BCL2L13: variants seen among roughly 807,000 people sequenced by gnomAD.
The protein encoded by BCL2L13 is bcl-2-like protein 13.
A neutral mutation model predicts 25.8 loss-of-function variants in BCL2L13; 13 were observed. The observed-to-expected ratio is 0.50, with a 90% CI of 0.33 to 0.80. BCL2L13 has a LOEUF of 0.80. Among genes scored for constraint, BCL2L13 ranks in the 30% least tolerant of loss-of-function variants. The pLI, the probability that BCL2L13 is intolerant of heterozygous loss-of-function variation, is 0.02. For synonymous variants in BCL2L13, 244 were observed against 230.3 expected (o/e 1.06, Z -0.54); for missense variants, 504 against 574.9 (o/e 0.88, Z 1.26).
intron 6 of BCL2L13, among the ~76,000 whole-genome samples, chr22:17,713,943 C>T (rs898645769): frequency 2.6e-5 from 4 of 151,504 alleles, no homozygotes; most frequent in African/African-American, 7.3e-5. Context: ...GAGTTCGAGA[C>T]CAGCCTGGCC....
At chr22:17,715,250 T>G (rs1262469362) in intron 6 of BCL2L13, among the ~76,000 whole-genome samples, 6 of 135,642 alleles carry the variant, frequency 4.4e-5, no homozygotes, top group Non-Finnish European at 7.7e-5. Context: ...GGTGCAGACT[T>G]GGCTCACTAC....
chr22:17,695,070 A>G (rs1178239959), intron 4 of BCL2L13, among the ~76,000 whole-genome samples: 1 of 152,214 alleles, frequency 6.6e-6, no homozygotes, highest in Non-Finnish European at 1.5e-5. Context: ...CTTGGAACTT[A>G]TGGTTCCAGG....
chr22:17,720,444 C>T (rs956315906), intron 6 of BCL2L13, among the ~76,000 whole-genome samples: 1 of 152,158 alleles, frequency 6.6e-6, no homozygotes, highest in Non-Finnish European at 1.5e-5. Context: ...ACAACCTCCA[C>T]CTCCCAGGTT....
intron 6 of BCL2L13, among the ~76,000 whole-genome samples, chr22:17,708,208 T>G (rs962968692): frequency 5.3e-5 from 8 of 152,128 alleles, no homozygotes; most frequent in African/African-American, 1.7e-4. Context: ...GTGTGTTTGC[T>G]TGAAAAAAAA....
chr22:17,677,381 G>T (rs1458044019), intron 2 of BCL2L13, among the ~76,000 whole-genome samples: 1 of 152,116 alleles, frequency 6.6e-6, no homozygotes, highest in East Asian at 1.9e-4. Flanking sequence ...GACCTTAATA[G>T]AATTAATTAA....
At position 17,683,311 on chromosome 22, in the gene BCL2L13, A is replaced by C. The variant is rs568678964; in HGVS notation, c.219A>C (p.Glu73Asp). 6.5e-6 allele frequency: 10 copies of C among 1,539,674 alleles called. No homozygotes were observed. The highest frequency in any genetic ancestry group is 1.8e-4 in the Middle Eastern group (1 of 5,556). Residue 73 changes from glutamate (E) to aspartate (D), a missense_variant, in exon 3 of 7, where the codon GAA becomes GAC. Physicochemically the swap from Glu to Asp is conservative, Grantham distance 45 (BLOSUM62 2). Transcript: ENST00000317582. ...AAGAGCTAAAATCTCTGGACAAAGA[A>C]ATTTCTGAAGGTCTGTTTATTCTTA... is the stretch of plus-strand genomic sequence containing the variant. ...IEEELKSLDKEISEAFTSTGF... is the reference protein window; with the variant it reads ...IEEELKSLDKDISEAFTSTGF...
chr22:17,705,788 G>A (rs1166537167), intron 6 of BCL2L13, among the ~76,000 whole-genome samples: 2 of 152,078 alleles, frequency 1.3e-5, no homozygotes, highest in African/African-American at 4.8e-5. Context: ...TTTCCACGGG[G>A]AATGTATTTG....
At chr22:17,721,421 A>C (rs1244869844) in intron 6 of BCL2L13, among the ~76,000 whole-genome samples, 1 of 151,200 alleles carries the variant, frequency 6.6e-6, no homozygotes, top group Non-Finnish European at 1.5e-5. Context: ...GCTTTATTCC[A>C]TTTAGTCCAG....
At chr22:17,687,526 C>CT (rs1010648434) in intron 3 of BCL2L13, among the ~76,000 whole-genome samples, 113 of 150,810 alleles carry the variant, frequency 7.5e-4, no homozygotes, top group Middle Eastern at 3.4e-3. Context: ...TTATTATTTT[C>CT]TTTTTTTTGA....
intron 4 of BCL2L13, among the ~76,000 whole-genome samples, chr22:17,693,176 G>A (rs549562258): frequency 6.6e-6 from 1 of 151,472 alleles, no homozygotes; most frequent in African/African-American, 2.4e-5. Context: ...CCAAATATGT[G>A]ATATAATAAT....
intron 1 of BCL2L13, among the ~76,000 whole-genome samples, chr22:17,649,625 C>T (rs368711707): frequency 2.0e-5 from 3 of 151,894 alleles, no homozygotes; most frequent in Non-Finnish European, 4.4e-5. Flanking sequence ...GCCTCAGCCT[C>T]CTGAGTAGCT....
intron 6 of BCL2L13, among the ~76,000 whole-genome samples, chr22:17,707,672 G>A (rs1156614787): frequency 6.6e-6 from 1 of 152,174 alleles, no homozygotes; most frequent in African/African-American, 2.4e-5. Flanking sequence ...TATAAAGTCT[G>A]AGAAGTAATG....
chr22:17,703,326 T>A (rs1251029264), intron 6 of BCL2L13: 1 of 152,228 alleles, frequency 6.6e-6, no homozygotes, highest in Non-Finnish European at 1.5e-5. Flanking sequence ...AATCTTTCAG[T>A]CATTTCCAAT....
chr22:17,710,915 T>C (rs991024381), intron 6 of BCL2L13, among the ~76,000 whole-genome samples: 5 of 152,096 alleles, frequency 3.3e-5, no homozygotes, highest in Admixed American at 3.3e-4. Context: ...TAAATAAATC[T>C]GAATTGGCTT....
intron 1 of BCL2L13, among the ~76,000 whole-genome samples, chr22:17,629,454 A>G (rs906230566): frequency 6.6e-6 from 1 of 152,034 alleles, no homozygotes; most frequent in Non-Finnish European, 1.5e-5. Context: ...TAGCCTATAT[A>G]TTTTTCAAAA....
Position 17,727,655 on chromosome 22 carries a change from C to T in BCL2L13, c.*121C>T. 1.5e-6 allele frequency: 2 copies of T among 1,365,098 alleles called. No homozygotes were observed. The highest frequency in any genetic ancestry group is 2.0e-6 in the Non-Finnish European group (2 of 1,005,360). 84.6% of individuals were successfully genotyped at this position (1,365,098 alleles called of 1,614,324 possible). On this transcript the variant is annotated 3_prime_UTR_variant, in exon 7 of 7. Coordinates refer to ENST00000317582, the MANE Select transcript of BCL2L13 (RefSeq NM_015367.4). Reference sequence around the variant, plus strand: ...ACTCTGGGATAATTGGGGACTTCTGCTCAACATGGCAGTGGCATGTTAGGC... The same window carrying T: ...ACTCTGGGATAATTGGGGACTTCTGTTCAACATGGCAGTGGCATGTTAGGC...
intron 3 of BCL2L13, among the ~76,000 whole-genome samples, chr22:17,686,073 GC>G (rs888953790): frequency 4.0e-5 from 6 of 151,856 alleles, no homozygotes; most frequent in African/African-American, 1.4e-4. Flanking sequence ...TACCCAGCCT[GC>G]CCAATAATTT....
chr22:17,638,985 C>G (rs756527652), intron 1 of BCL2L13, 99 bp downstream of exon 1: 568 of 990,432 alleles, frequency 5.7e-4, no homozygotes, highest in Non-Finnish European at 6.8e-4. Context: ...CACCGACTCC[C>G]CAGTGGTTCC....
chr22:17,702,404 T>G lies in BCL2L13; in HGVS notation c.600+18T>G, dbSNP rs762285381. ...GTGGCTGGGTATGAGCTGTTATATA[T>G]TAAAAATATTTTCTTGAAAAAAAAT... is the stretch of plus-strand genomic sequence containing the variant. On this transcript the variant is annotated intron_variant, in intron 6 of 6. Transcript: ENST00000317582. 73 of 1,516,646 alleles carry G rather than the reference T, an allele frequency of 4.8e-5. No homozygotes were observed. Among genetic ancestry groups the G allele is most frequent in the Non-Finnish European group, 8.8e-6 (10 of 1,136,688 alleles). 93.9% of individuals were successfully genotyped at this position (1,516,646 alleles called of 1,614,324 possible). A position where few individuals can be genotyped will look rare whatever the true frequency, so the allele number is the denominator to read the frequency against.
Sources: allele counts gnomAD v4.1 joint callset (sites outside exome capture counted in the v4.1 genomes callset), GRCh38; gene constraint gnomAD v4.1.1; transcripts MANE v1.5; gene names NCBI Gene and HGNC (gene_info 2026-07-23, HGNC 2026-07-21).